Variants in DNAH7 observed in about 807,000 individuals in gnomAD.
The protein encoded by DNAH7 is dynein axonemal heavy chain 7, also known as axonemal beta dynein heavy chain 7.
A neutral mutation model predicts 444.6 loss-of-function variants in DNAH7; 397 were observed. The ratio of observed to expected loss-of-function variants is 0.89; its 90% confidence interval spans 0.82 to 0.97. The LOEUF is 0.97. Among genes scored for constraint, DNAH7 ranks in the 50% least tolerant of loss-of-function variants. The probability of loss-of-function intolerance (pLI) is 0.00; values close to 1 mark genes in which losing one functional copy is unlikely to be tolerated. For synonymous variants in DNAH7, 1,636 were observed against 1,624.4 expected (o/e 1.01, Z -0.17); for missense variants, 4,902 against 4,800.8 (o/e 1.02, Z -0.62).
At position 195,935,328 on chromosome 2, in the gene DNAH7, C is replaced by T. The variant is rs1165453257; in HGVS notation, c.3273-539G>A. 2.0e-5 allele frequency among the ~76,000 whole-genome samples: 3 copies of T among 152,238 alleles called. No homozygotes were observed. The East Asian group carries it at 5.8e-4, about 29-fold the overall frequency. On this transcript the variant is annotated intron_variant, in intron 20 of 64. Transcript: ENST00000312428. ...TGGGACTGACACAACTCATTTTTGG[C>T]ACACTACCAATAACCCGTTGCATTC...
intron 24 of DNAH7, among the ~76,000 whole-genome samples, chr2:195,918,446 C>T (rs993990101): frequency 2.0e-5 from 3 of 152,188 alleles, no homozygotes; most frequent in East Asian, 1.9e-4. Context: ...GAGTTTAAAA[C>T]GATGTCCACC....
At chr2:195,768,523 T>C (rs1405993365) in intron 61 of DNAH7, among the ~76,000 whole-genome samples, 1 of 151,990 alleles carries the variant, frequency 6.6e-6, no homozygotes, top group Non-Finnish European at 1.5e-5. Flanking sequence ...CCTGTGCTTA[T>C]AGCTTTGCAT....
At chr2:195,815,400 T>C (rs1285699540) in intron 51 of DNAH7, among the ~76,000 whole-genome samples, 1 of 152,094 alleles carries the variant, frequency 6.6e-6, no homozygotes, top group Non-Finnish European at 1.5e-5. Context: ...TTTATTAGTC[T>C]CATATTCAAA....
At chr2:196,060,657 C>G (rs185499115) in intron 1 of DNAH7, among the ~76,000 whole-genome samples, 80 of 152,308 alleles carry the variant, frequency 5.3e-4, no homozygotes, top group Non-Finnish European at 1.0e-3. Flanking sequence ...CCTATATTCC[C>G]TCTAGCAATT....
chr2:196,053,390 G>C (rs1026737566), intron 2 of DNAH7, among the ~76,000 whole-genome samples: 6 of 152,180 alleles, frequency 3.9e-5, no homozygotes, highest in African/African-American at 1.4e-4. Context: ...GTCTCAGTTT[G>C]CCCAAGCATA....
At chr2:195,866,442 A>G (rs995392319) in intron 40 of DNAH7, among the ~76,000 whole-genome samples, 1 of 152,302 alleles carries the variant, frequency 6.6e-6, no homozygotes, top group South Asian at 2.1e-4. Flanking sequence ...CTGTGAGACA[A>G]TCTAATTTCC....
intron 49 of DNAH7, among the ~76,000 whole-genome samples, chr2:195,823,643 T>C (rs1360486793): frequency 1.3e-5 from 2 of 152,000 alleles, no homozygotes; most frequent in African/African-American, 4.8e-5. Context: ...ACTCACTCAT[T>C]CACTCACTCC....
chr2:196,048,601 T>C (rs965555124), intron 3 of DNAH7, among the ~76,000 whole-genome samples, 197 bp from the exon 4 acceptor site: 3 of 152,188 alleles, frequency 2.0e-5, no homozygotes, highest in African/African-American at 7.2e-5. Context: ...TTAACAAAAG[T>C]CCTGCTGTTG....
At chr2:196,024,871 G>A (rs1433523784) in intron 7 of DNAH7, among the ~76,000 whole-genome samples, 1 of 150,470 alleles carries the variant, frequency 6.6e-6, no homozygotes, top group Non-Finnish European at 1.5e-5. Context: ...CCGAGAAAAG[G>A]TACATACACT....
intron 46 of DNAH7, among the ~76,000 whole-genome samples, chr2:195,850,706 A>T (rs1699310121): frequency 6.6e-6 from 1 of 152,282 alleles, no homozygotes; most frequent in African/African-American, 2.4e-5. Flanking sequence ...AAAGCACCAA[A>T]TGTTGTAAGG....
At position 195,816,812 on chromosome 2, in the gene DNAH7, C is replaced by T. The variant is rs749181788; in HGVS notation, c.9577G>A (p.Glu3193Lys). 1.2e-6 allele frequency: 2 copies of T among 1,614,190 alleles called. No individual in the cohort carries two copies. Among genetic ancestry groups the T allele is most frequent in the South Asian group, 1.1e-5 (1 of 91,088 alleles). The change falls in exon 51 of 65, where the codon GAG becomes AAG. Residue 3193 changes from glutamate to lysine, a missense_variant. Coordinates refer to ENST00000312428, the MANE Select transcript of DNAH7 (RefSeq NM_018897.3). ...ATGCGGGTGGTGTCAATCTTTTTCT[C>T]TGTCTCTTCGGCTACTTCCTGCTTC... ...SQKQEVAEET[E>K]KKIDTTRMGY...
intron 17 of DNAH7, among the ~76,000 whole-genome samples, chr2:195,969,670 G>A (rs1445903539): frequency 3.9e-5 from 6 of 152,146 alleles, no homozygotes; most frequent in African/African-American, 1.4e-4. Flanking sequence ...GAACTATGAT[G>A]CAAATAATTA....
intron 2 of DNAH7, among the ~76,000 whole-genome samples, chr2:196,053,495 C>T (rs1265979873): frequency 2.6e-5 from 4 of 152,194 alleles, no homozygotes; most frequent in Non-Finnish European, 5.9e-5. Flanking sequence ...AAAGCTATTT[C>T]ATAAATGGTT....
intron 63 of DNAH7, among the ~76,000 whole-genome samples, chr2:195,743,930 A>G (rs1427779628): frequency 3.3e-5 from 5 of 152,364 alleles, no homozygotes; most frequent in Non-Finnish European, 7.3e-5. Context: ...TCCCAGCATG[A>G]ATGACACAGA....
Position 195,864,719 on chromosome 2 carries a change from G to A in DNAH7, c.6936C>T (p.Asn2312=), listed in dbSNP as rs1199218986. The A allele has an allele frequency of 2.5e-6, 4 of 1,614,034 alleles. No individual in the cohort carries two copies. In the African/African-American group the frequency reaches 4.0e-5, roughly 16 times the overall value. The stretch of plus-strand genomic sequence containing the variant: ...CTATGGCAAATCGAAACAAGACAAG[G>A]TTCATGGGTTTTTTGCTTATATTGT... ...EYNNISKKPM[N]LVLFRFAIEH... Residue 2312 remains asparagine (N), a synonymous_variant, in exon 41 of 65, where the codon AAC becomes AAT. Coordinates refer to ENST00000312428, the MANE Select transcript of DNAH7 (RefSeq NM_018897.3).
chr2:195,973,538 C>A (rs1260922831), intron 15 of DNAH7, among the ~76,000 whole-genome samples: 1 of 152,106 alleles, frequency 6.6e-6, no homozygotes, highest in African/African-American at 2.4e-5. Flanking sequence ...GTGGCACAAT[C>A]TCGGCTGACT....
At chr2:195,957,475 C>A (rs1164875045) in intron 18 of DNAH7, 28 bp from the exon 19 acceptor site, 1 of 1,467,424 alleles carries the variant, frequency 6.8e-7, no homozygotes, top group Non-Finnish European at 9.1e-7. Flanking sequence ...GTGGCTCTTA[C>A]TGACAGCAAA....
Position 196,045,307 on chromosome 2 carries a change from A to T in DNAH7, c.398+2045T>A, listed in dbSNP as rs987615321. 7.7e-5 allele frequency among the ~76,000 whole-genome samples: 7 copies of T among 91,322 alleles called. No individual in the cohort carries two copies. The East Asian group carries it at 3.1e-3, about 41-fold the overall frequency. The allele number at this position is 91,322 out of a possible 152,430, so 59.9% of individuals were successfully genotyped here. Reference sequence around the variant, plus strand: ...AGGGAGGAGAAAGAAAAGAAAAAAGAAAAAAAAGAGGAAAGAATAAAAGAG... The same window carrying T: ...AGGGAGGAGAAAGAAAAGAAAAAAGTAAAAAAAGAGGAAAGAATAAAAGAG... On this transcript the variant is annotated intron_variant, in intron 5 of 64. Coordinates refer to ENST00000312428, the MANE Select transcript of DNAH7 (RefSeq NM_018897.3).
intron 12 of DNAH7, among the ~76,000 whole-genome samples, chr2:195,990,783 G>A (rs1678042242): frequency 7.1e-6 from 1 of 141,186 alleles, no homozygotes; most frequent in Non-Finnish European, 1.5e-5. Flanking sequence ...TGTTGTGTGT[G>A]TGTGTGTGTG....
Sources: gnomAD v4.1 joint callset for allele counts (sites outside exome capture counted in the v4.1 genomes callset) on GRCh38, gnomAD v4.1.1 for gene constraint, MANE v1.5 for transcripts, NCBI Gene and HGNC (gene_info 2026-07-23, HGNC 2026-07-21) for gene names.